The following N4BP1 variants were observed in gnomAD, a reference collection of about 807,000 sequenced individuals.
N4BP1 encodes NEDD4-binding protein 1.
A neutral mutation model predicts 70.9 loss-of-function variants in N4BP1; 21 were observed. That is an observed-to-expected ratio of 0.30 (90% CI 0.21 to 0.43). The LOEUF (loss-of-function observed/expected upper bound fraction) is 0.43, where lower values mean the gene tolerates loss of function less well. Among genes scored for constraint, N4BP1 ranks in the 20% least tolerant of loss-of-function variants. The pLI is 1.00. For missense variants in N4BP1, 936 were observed against 1,069.4 expected, an observed-to-expected ratio of 0.88 and a Z score of 1.74; for synonymous variants, 387 against 394.6, an observed-to-expected ratio of 0.98 and a Z score of 0.23.
At chr16:48,546,526 GCTT>G (rs1346929613) in intron 5 of N4BP1, 9 of 304,234 alleles carry the variant, frequency 3.0e-5, no homozygotes, top group African/African-American at 8.6e-5. Flanking sequence ...TTAGGAAGCC[GCTT>G]CTTCTTCTAA....
chr16:48,593,858 C>T (rs941950080), intron 1 of N4BP1, among the ~76,000 whole-genome samples: 10 of 151,654 alleles, frequency 6.6e-5, no homozygotes, highest in African/African-American at 9.7e-5. Context: ...AAAAATTAGC[C>T]GGGTGTGTTG....
chr16:48,589,574 C>T (rs1475857937), intron 1 of N4BP1, among the ~76,000 whole-genome samples: 1 of 152,134 alleles, frequency 6.6e-6, no homozygotes, highest in East Asian at 1.9e-4. Flanking sequence ...ACAGCCTTTA[C>T]AATTAACCAG....
chr16:48,575,106 A>G (rs776154619), intron 1 of N4BP1, among the ~76,000 whole-genome samples: 2 of 152,230 alleles, frequency 1.3e-5, no homozygotes, highest in Non-Finnish European at 2.9e-5. Context: ...TCAGATTTCA[A>G]TAACAACTTA....
intron 1 of N4BP1, among the ~76,000 whole-genome samples, chr16:48,604,996 T>C (rs975337998): frequency 1.3e-5 from 2 of 151,994 alleles, no homozygotes; most frequent in African/African-American, 2.4e-5. Context: ...CCAGGAAGCA[T>C]TCTGAGTTTG....
chr16:48,545,766 C>T (rs1274295383), intron 6 of N4BP1, among the ~76,000 whole-genome samples: 3 of 151,964 alleles, frequency 2.0e-5, no homozygotes, highest in African/African-American at 7.3e-5. Context: ...TGGCTCATGC[C>T]TATAATCCCA....
intron 1 of N4BP1, among the ~76,000 whole-genome samples, chr16:48,576,085 T>C (rs1200217588): frequency 6.6e-6 from 1 of 151,540 alleles, no homozygotes; most frequent in Non-Finnish European, 1.5e-5. Flanking sequence ...CTGTATTATC[T>C]CTAAGAGAAA....
chr16:48,576,920 A>G (rs1964103792), intron 1 of N4BP1, among the ~76,000 whole-genome samples: 1 of 152,052 alleles, frequency 6.6e-6, no homozygotes, highest in South Asian at 2.1e-4. Flanking sequence ...TATTTTAGAG[A>G]CAGGGTTTTG....
chr16:48,556,633 T>C (rs1002919619), intron 2 of N4BP1, among the ~76,000 whole-genome samples: 4 of 152,290 alleles, frequency 2.6e-5, no homozygotes, highest in Non-Finnish European at 4.4e-5. Context: ...ATCTGGTTGT[T>C]TGCCATATTA....
intron 1 of N4BP1, among the ~76,000 whole-genome samples, chr16:48,568,500 G>A (rs763108464): frequency 6.6e-6 from 1 of 152,152 alleles, no homozygotes; most frequent in Non-Finnish European, 1.5e-5. Context: ...ACTTTCCTTA[G>A]GAGAATACCT....
At chr16:48,558,949 T>C (rs1026392042) in intron 2 of N4BP1, among the ~76,000 whole-genome samples, 23 of 152,206 alleles carry the variant, frequency 1.5e-4, no homozygotes, top group Admixed American at 1.2e-3. Flanking sequence ...CATTTTCTTT[T>C]TGACAGCAAA....
chr16:48,601,584 T>G (rs1468915412), intron 1 of N4BP1, among the ~76,000 whole-genome samples: 1 of 152,238 alleles, frequency 6.6e-6, no homozygotes, highest in Non-Finnish European at 1.5e-5. Flanking sequence ...ACTTTCATAC[T>G]TTCAGACGTG....
At position 48,561,483 on chromosome 16, in the gene N4BP1, T is replaced by C. The variant is rs929689401; in HGVS notation, c.1160A>G (p.Glu387Gly). ...PLLLLEEIEK[E>G]NKRFQEDREF... ...TCTGTCTTCTTGGAATCTTTTATTTTCTTTTTCAATTTCCTCTAAGAGCAA... is the reference window on the plus strand; with the variant it reads ...TCTGTCTTCTTGGAATCTTTTATTTCCTTTTTCAATTTCCTCTAAGAGCAA... Residue 387 changes from glutamate to glycine, a missense_variant, in exon 2 of 7, where the codon GAA becomes GGA. By Grantham distance (98) the Glu-to-Gly change is moderately conservative. This residue lies in a region of N4BP1 where 515 missense variants were observed against 491.7 expected (regional missense o/e 1.05). Transcript: ENST00000262384. 3 of 1,611,688 alleles carry C rather than the reference T, an allele frequency of 1.9e-6. No homozygotes were observed. The highest frequency in any genetic ancestry group is 1.7e-6 in the Non-Finnish European group (2 of 1,179,336).
chr16:48,580,909 T>C (rs1181385754), intron 1 of N4BP1, among the ~76,000 whole-genome samples: 2 of 152,110 alleles, frequency 1.3e-5, no homozygotes, highest in Non-Finnish European at 2.9e-5. Context: ...GATTTAAGTA[T>C]ACAGGAAAAT....
At chr16:48,585,717 A>G (rs1162748414) in intron 1 of N4BP1, among the ~76,000 whole-genome samples, 4 of 149,436 alleles carry the variant, frequency 2.7e-5, no homozygotes, top group Admixed American at 2.0e-4. Flanking sequence ...TTTTTTTGAG[A>G]CAAAGTCTCA....
At chr16:48,568,039 C>T (rs1397284730) in intron 1 of N4BP1, among the ~76,000 whole-genome samples, 2 of 152,160 alleles carry the variant, frequency 1.3e-5, no homozygotes, top group Non-Finnish European at 2.9e-5. Context: ...CTATCTAATC[C>T]TAAACTGTTT....
chr16:48,575,026 A>C (rs570680342), intron 1 of N4BP1, among the ~76,000 whole-genome samples: 1 of 152,306 alleles, frequency 6.6e-6, no homozygotes, highest in African/African-American at 2.4e-5. Context: ...GCTGTGCAAA[A>C]TGCTTATGAC....
chr16:48,555,533 C>A (rs565041042), intron 2 of N4BP1, among the ~76,000 whole-genome samples: 26 of 152,212 alleles, frequency 1.7e-4, no homozygotes, highest in Admixed American at 5.9e-4. Context: ...AGGCTCTTAC[C>A]CCAGAAAATA....
chr16:48,598,182 G>C (rs1271149009), intron 1 of N4BP1, among the ~76,000 whole-genome samples: 3 of 152,216 alleles, frequency 2.0e-5, no homozygotes, highest in Non-Finnish European at 4.4e-5. Context: ...AATTGCTTAA[G>C]ATGTTTTTCT....
chr16:48,545,541 G>C (rs965364649), intron 6 of N4BP1, among the ~76,000 whole-genome samples: 12 of 151,218 alleles, frequency 7.9e-5, no homozygotes, highest in African/African-American at 2.9e-4. Flanking sequence ...TCGCGCCATT[G>C]TACTCCAACC....
Sources: allele counts gnomAD v4.1 joint callset (sites outside exome capture counted in the v4.1 genomes callset), GRCh38; gene constraint gnomAD v4.1.1; regional missense constraint gnomAD v4.1.1; transcripts MANE v1.5; gene names NCBI Gene and HGNC (gene_info 2026-07-23, HGNC 2026-07-21).